CDCA2: variants seen among roughly 807,000 people sequenced by gnomAD.
CDCA2 encodes cell division cycle associated 2.
Under a neutral mutation model 67.0 loss-of-function variants are expected in CDCA2, and 44 were observed. That is an observed-to-expected ratio of 0.66 (90% CI 0.52 to 0.84). The LOEUF (loss-of-function observed/expected upper bound fraction) is 0.84, where lower values mean the gene tolerates loss of function less well. Ranked by LOEUF, CDCA2 falls within the 40% of genes least tolerant of loss-of-function variation. The pLI is 0.00. For synonymous variants in CDCA2, 447 were observed against 418.7 expected, an observed-to-expected ratio of 1.07 and a Z score of -0.82; for missense variants, 1,253 against 1,203.2, an observed-to-expected ratio of 1.04 and a Z score of -0.61.
chr8:25,497,808 T>C (rs1280354050), intron 13 of CDCA2, among the ~76,000 whole-genome samples: 1 of 152,212 alleles, frequency 6.6e-6, no homozygotes, highest in East Asian at 1.9e-4. Flanking sequence ...TCCACCATGC[T>C]ATATGCAATT....
At chr8:25,471,470 A>G (rs1201311068) in intron 7 of CDCA2, among the ~76,000 whole-genome samples, 1 of 151,974 alleles carries the variant, frequency 6.6e-6, no homozygotes, top group East Asian at 1.9e-4. Context: ...TCAAGCAATT[A>G]TCTGCCTCGG....
At chr8:25,501,409 T>C (rs1042692965) in intron 13 of CDCA2, among the ~76,000 whole-genome samples, 2 of 152,206 alleles carry the variant, frequency 1.3e-5, no homozygotes, top group African/African-American at 2.4e-5. Flanking sequence ...GTTGACACTC[T>C]CGAAGTCACC....
intron 14 of CDCA2, among the ~76,000 whole-genome samples, chr8:25,506,094 C>T (rs150557126): frequency 8.9e-4 from 135 of 152,278 alleles, no homozygotes; most frequent in Non-Finnish European, 1.5e-3. Context: ...ATTTTCCCTC[C>T]CCTGTTTCGG....
chr8:25,501,880 GTTTGTT>G (rs1445677182), intron 13 of CDCA2, among the ~76,000 whole-genome samples: 2 of 152,056 alleles, frequency 1.3e-5, no homozygotes, highest in Non-Finnish European at 2.9e-5. Flanking sequence ...CTTTCCAGAT[GTTTGTT>G]TTTGTTTTTG....
In CDCA2 at chr8:25,485,845, C is replaced by T. The variant is rs1803756099; in HGVS notation, c.1444+8C>T. ...TCTCTGAGACCCTTTCAGGTAGTAA[C>T]TTGTTTATCTTAAAATCATAAATGT... On this transcript the variant is annotated splice_region_variant and intron_variant, in intron 11 of 14. Transcript: ENST00000330560. 1 of 1,493,346 alleles carries T rather than the reference C, an allele frequency of 6.7e-7. No individual in the cohort carries two copies. 92.5% of individuals were successfully genotyped at this position (1,493,346 alleles called of 1,614,324 possible).
intron 13 of CDCA2, among the ~76,000 whole-genome samples, chr8:25,493,375 A>G (rs935611171): frequency 6.6e-6 from 1 of 152,306 alleles, no homozygotes; most frequent in East Asian, 1.9e-4. Flanking sequence ...GAAAGTTCCC[A>G]AAGTGTGACT....
chr8:25,506,346 A>T (rs1252867818), intron 14 of CDCA2, among the ~76,000 whole-genome samples, 164 bp from the exon 15 acceptor site: 1 of 152,182 alleles, frequency 6.6e-6, no homozygotes, highest in African/African-American at 2.4e-5. Context: ...GAACTAAAAG[A>T]GGAGGAGGAG....
chr8:25,506,752 A>C lies in CDCA2; in HGVS notation c.2086A>C (p.Asn696His). The C allele has an allele frequency of 6.2e-7, 1 of 1,613,310 alleles. No individual in the cohort carries two copies. The highest frequency in any genetic ancestry group is 8.5e-7 in the Non-Finnish European group (1 of 1,179,874). Reference sequence around the variant, plus strand: ...AAATAAAAATATTCCAAAAGCAAAAAATAAGTCAGAAAGTGAAAATGAACC... The same window carrying C: ...AAATAAAAATATTCCAAAAGCAAAACATAAGTCAGAAAGTGAAAATGAACC... ...NENKNIPKAK[N>H]KSESENEPKA... The change falls in exon 15 of 15, where the codon AAT (asparagine) becomes CAT (histidine). Residue 696 changes from asparagine (N) to histidine (H), a missense_variant. By Grantham distance (68) the Asn-to-His change is moderately conservative. Coordinates refer to ENST00000330560, the MANE Select transcript of CDCA2 (RefSeq NM_152562.4).
chr8:25,463,542 C>T (rs1290346637), intron 4 of CDCA2, among the ~76,000 whole-genome samples: 1 of 152,002 alleles, frequency 6.6e-6, no homozygotes, highest in East Asian at 1.9e-4. Flanking sequence ...ATGACTGTTC[C>T]TGGTTTATAC....
intron 13 of CDCA2, 64 bp downstream of exon 13, chr8:25,488,753 G>T: frequency 5.1e-6 from 7 of 1,361,716 alleles, no homozygotes; most frequent in Admixed American, 3.0e-5. Flanking sequence ...TGTATAATTA[G>T]GAAAATATAG....
chr8:25,477,630 A>G (rs1037366192), intron 7 of CDCA2, among the ~76,000 whole-genome samples: 2 of 152,198 alleles, frequency 1.3e-5, no homozygotes, highest in Admixed American at 6.5e-5. Context: ...AGGATACCCA[A>G]TGTGAACTCT....
At chr8:25,462,549 C>T (rs1210794285) in intron 4 of CDCA2, among the ~76,000 whole-genome samples, 1 of 151,860 alleles carries the variant, frequency 6.6e-6, no homozygotes, top group African/African-American at 2.4e-5. Flanking sequence ...TTGCTTGAAC[C>T]TGGGAGGCAG....
chr8:25,462,673 G>A (rs67160220), intron 4 of CDCA2, among the ~76,000 whole-genome samples: 61,141 of 151,572 alleles, frequency 0.4, 12,736 homozygotes, highest in African/African-American at 0.52. Context: ...GACCATGGGT[G>A]ATTTTTCTTT....
rs535971779 is a variant in CDCA2, at chr8:25,462,365, G to A, written c.387+157G>A. Among the ~76,000 whole-genome samples the A allele has an allele frequency of 2.0e-5, 3 of 152,276 alleles. No homozygotes were observed. In the East Asian group the frequency reaches 5.8e-4, roughly 29 times the overall value. On this transcript the variant is annotated intron_variant, in intron 4 of 14. Coordinates refer to ENST00000330560, the MANE Select transcript of CDCA2 (RefSeq NM_152562.4). Reference sequence around the variant, plus strand: ...TTAGCGGCCGGGCGCGGTGGCTCACGCCTATAATCCCAGTACTCTGGGAGG... The same window carrying A: ...TTAGCGGCCGGGCGCGGTGGCTCACACCTATAATCCCAGTACTCTGGGAGG...
At chr8:25,489,957 A>G (rs1179735230) in intron 13 of CDCA2, among the ~76,000 whole-genome samples, 1 of 152,102 alleles carries the variant, frequency 6.6e-6, no homozygotes, top group Admixed American at 6.5e-5. Context: ...CAACCTATAC[A>G]CCCACCCAAA....
rs777199919 is a variant in CDCA2, at chr8:25,468,184, C to T, written c.539-33C>T. 5 of 1,259,184 alleles carry T rather than the reference C, an allele frequency of 4.0e-6. No individual in the cohort carries two copies. In the South Asian group the frequency reaches 8.2e-5, roughly 21 times the overall value. 78.0% of individuals were successfully genotyped at this position (1,259,184 alleles called of 1,614,324 possible). On this transcript the variant is annotated intron_variant, in intron 5 of 14. Transcript: ENST00000330560. ...ATAATATATATGAAAACATTTATGC[C>T]TGTGTCGTTTTGTTTTTATTTTGTG... is the stretch of plus-strand genomic sequence containing the variant.
chr8:25,486,001 C>G (rs1050188139), intron 11 of CDCA2, among the ~76,000 whole-genome samples, 164 bp downstream of exon 11: 1 of 152,184 alleles, frequency 6.6e-6, no homozygotes, highest in African/African-American at 2.4e-5. Flanking sequence ...ATTCATCCAT[C>G]CCTTTTCCAT....
intron 12 of CDCA2, among the ~76,000 whole-genome samples, 198 bp from the exon 13 acceptor site, chr8:25,488,354 G>A (rs1251054640): frequency 6.6e-6 from 1 of 152,082 alleles, no homozygotes; most frequent in African/African-American, 2.4e-5. Flanking sequence ...TTCTGGGTCT[G>A]CATTTGATAG....
chr8:25,468,183 C>T (rs1802996991), intron 5 of CDCA2, 34 bp from the exon 6 acceptor site: 1 of 1,192,938 alleles, frequency 8.4e-7, no homozygotes, highest in Non-Finnish European at 1.2e-6. Context: ...AACATTTATG[C>T]CTGTGTCGTT....
Sources: allele counts gnomAD v4.1 joint callset (sites outside exome capture counted in the v4.1 genomes callset), GRCh38; gene constraint gnomAD v4.1.1; transcripts MANE v1.5; gene names NCBI Gene and HGNC (gene_info 2026-07-23, HGNC 2026-07-21).